The following ERI3 variants were observed in gnomAD, a reference collection of about 807,000 sequenced individuals.
ERI3 encodes ERI1 exoribonuclease family member 3, also known as ERI1 exoribonuclease 3.
ERI3 carries 18 observed loss-of-function variants against 44.4 expected under a neutral mutation model. The ratio of observed to expected loss-of-function variants is 0.41; its 90% CI spans 0.28 to 0.60. ERI3 has a LOEUF of 0.60. Among genes scored for constraint, ERI3 ranks in the 20% least tolerant of loss-of-function variants. The probability of loss-of-function intolerance (pLI) is 0.36; values close to 1 mark genes in which losing one functional copy is unlikely to be tolerated. For missense variants in ERI3, 294 were observed against 435.5 expected (o/e 0.68, Z 2.89); for synonymous variants, 183 against 164.8 (o/e 1.11, Z -0.84).
intron 6 of ERI3, among the ~76,000 whole-genome samples, chr1:44,301,132 C>T (rs1645717455): frequency 6.6e-6 from 1 of 152,198 alleles, no homozygotes; most frequent in African/African-American, 2.4e-5. Flanking sequence ...GAAACATGAC[C>T]CCATCAACTC....
chr1:44,332,258 T>C lies in ERI3; in HGVS notation c.489+6787A>G, dbSNP rs111967183. The stretch of plus-strand genomic sequence containing the variant: ...ACTCACCATTTATCAATGGCCCTAT[T>C]CTTTAGAGCTCTTCCCCACCACCAA... On this transcript the variant is annotated intron_variant, in intron 3 of 8. Transcript: ENST00000372257. Among the ~76,000 whole-genome samples, 825 of 152,162 alleles carry C rather than the reference T, an allele frequency of 5.4e-3. 7 individuals are homozygous for C. The highest frequency in any genetic ancestry group is 0.019 in the African/African-American group (778 of 41,490).
At chr1:44,335,338 G>C (rs190642807) in intron 3 of ERI3, among the ~76,000 whole-genome samples, 42 of 144,540 alleles carry the variant, frequency 2.9e-4, no homozygotes, top group African/African-American at 1.0e-3. Context: ...CTGGGCAACG[G>C]AGCAAGACTC....
At position 44,339,340 on chromosome 1, in the gene ERI3, T is replaced by TTA; in HGVS notation, c.212-19_212-18insTA. 1.0e-6 allele frequency: 1 copy of TTA among 975,756 alleles called. No homozygotes were observed. Among genetic ancestry groups the TTA allele is most frequent in the Non-Finnish European group, 1.3e-6 (1 of 776,042 alleles). The allele number at this position is 975,756 out of a possible 1,614,324, so 60.4% of individuals were successfully genotyped here. A position where few individuals can be genotyped will look rare whatever the true frequency, so the allele number is the denominator to read the frequency against. The stretch of plus-strand genomic sequence containing the variant: ...ATCTAAAACTTAGGGGAGGAAAGTT[T>TTA]AAAAAAAAAAAAAAAAAAGAAAAGA... On this transcript the variant is annotated intron_variant, in intron 2 of 8. Coordinates refer to ENST00000372257, the MANE Select transcript of ERI3 (RefSeq NM_024066.3).
At chr1:44,325,746 C>G (rs1353405499) in intron 3 of ERI3, among the ~76,000 whole-genome samples, 1 of 152,086 alleles carries the variant, frequency 6.6e-6, no homozygotes, top group East Asian at 1.9e-4. Context: ...ACTGCAACCT[C>G]CGCCTCCCAG....
intron 7 of ERI3, among the ~76,000 whole-genome samples, chr1:44,279,829 A>C (rs1455064244): frequency 6.6e-6 from 1 of 152,210 alleles, no homozygotes; most frequent in East Asian, 1.9e-4. Flanking sequence ...TGAAAAAGCA[A>C]ATTTGTCCAA....
intron 6 of ERI3, among the ~76,000 whole-genome samples, chr1:44,306,408 G>A (rs1645833443): frequency 6.6e-6 from 1 of 152,244 alleles, no homozygotes; most frequent in South Asian, 2.1e-4. Flanking sequence ...GTCAGAAGGT[G>A]CGGATGCGGT....
chr1:44,254,429 G>A (rs188263690), intron 7 of ERI3, among the ~76,000 whole-genome samples: 60 of 151,748 alleles, frequency 4.0e-4, no homozygotes, highest in African/African-American at 1.2e-3. Flanking sequence ...TCCCCTTTTC[G>A]GGCTTCAGTA....
intron 4 of ERI3, among the ~76,000 whole-genome samples, chr1:44,313,661 G>T (rs1273346331): frequency 6.6e-6 from 1 of 152,082 alleles, no homozygotes; most frequent in Non-Finnish European, 1.5e-5. Flanking sequence ...TGCTCATACA[G>T]GAGAGGCACA....
At chr1:44,255,555 C>T (rs1371805991) in intron 7 of ERI3, among the ~76,000 whole-genome samples, 1 of 152,158 alleles carries the variant, frequency 6.6e-6, no homozygotes, top group Non-Finnish European at 1.5e-5. Context: ...TTGTCTTCAA[C>T]CTTTCTAATT....
intron 7 of ERI3, among the ~76,000 whole-genome samples, chr1:44,259,920 T>TAGATAGATAGATAGATAGACAGAC (rs778936296): frequency 1.2e-4 from 15 of 129,736 alleles, no homozygotes; most frequent in African/African-American, 1.7e-4. Flanking sequence ...GATAGATAGA[T>TAGATAGATAGATAGATAGACAGAC]AGACAGACAG....
chr1:44,264,105 T>C (rs980922801), intron 7 of ERI3, among the ~76,000 whole-genome samples: 3 of 152,224 alleles, frequency 2.0e-5, no homozygotes, highest in African/African-American at 2.4e-5. Flanking sequence ...TGGGTCCTAA[T>C]GTGTAAAAAG....
chr1:44,329,462 C>G (rs371115771), intron 3 of ERI3, among the ~76,000 whole-genome samples: 2 of 152,294 alleles, frequency 1.3e-5, no homozygotes, highest in African/African-American at 4.8e-5. Flanking sequence ...CTCATCAGCC[C>G]TACCCACCCA....
intron 8 of ERI3, among the ~76,000 whole-genome samples, chr1:44,225,737 G>A (rs1644022647): frequency 6.6e-6 from 1 of 152,200 alleles, no homozygotes; most frequent in Non-Finnish European, 1.5e-5. Flanking sequence ...AACAACCTAA[G>A]GCTGATATTC....
chr1:44,276,217 T>C (rs976140653), intron 7 of ERI3, among the ~76,000 whole-genome samples: 2 of 152,308 alleles, frequency 1.3e-5, no homozygotes, highest in East Asian at 3.9e-4. Flanking sequence ...ATCTCGAACA[T>C]TAGGGATCAA....
chr1:44,281,135 T>C (rs1191011598), intron 7 of ERI3, among the ~76,000 whole-genome samples: 1 of 152,206 alleles, frequency 6.6e-6, no homozygotes, highest in Non-Finnish European at 1.5e-5. Context: ...CAGGGAATTA[T>C]TCTCTGACCC....
At chr1:44,281,431 T>C (rs1410334233) in intron 7 of ERI3, among the ~76,000 whole-genome samples, 3 of 151,304 alleles carry the variant, frequency 2.0e-5, no homozygotes, top group Non-Finnish European at 4.4e-5. Context: ...CTACAAAAAA[T>C]ACAAAAATTA....
chr1:44,297,516 G>C (rs137962206), intron 6 of ERI3, among the ~76,000 whole-genome samples: 1 of 152,180 alleles, frequency 6.6e-6, no homozygotes, highest in Non-Finnish European at 1.5e-5. Context: ...AGAATATGAT[G>C]GCAGGGCATC....
At chr1:44,326,223 T>C (rs1023855637) in intron 3 of ERI3, among the ~76,000 whole-genome samples, 1 of 152,096 alleles carries the variant, frequency 6.6e-6, no homozygotes, top group Non-Finnish European at 1.5e-5. Context: ...AGGTAGAAAA[T>C]GCAGTCCCTG....
intron 2 of ERI3, among the ~76,000 whole-genome samples, chr1:44,340,035 C>T (rs893356417): frequency 1.4e-5 from 2 of 146,328 alleles, no homozygotes; most frequent in African/African-American, 5.1e-5. Context: ...GGTCTCTACT[C>T]GAGGCCCTGA....
Sources: allele counts gnomAD v4.1 joint callset (sites outside exome capture counted in the v4.1 genomes callset), GRCh38; gene constraint gnomAD v4.1.1; transcripts MANE v1.5; gene names NCBI Gene and HGNC (gene_info 2026-07-23, HGNC 2026-07-21).